The following FAM228B variants were observed in gnomAD, a reference collection of about 807,000 sequenced individuals.
FAM228B encodes protein FAM228B.
In FAM228B, 38 loss-of-function variants were observed where a neutral mutation model predicts 42.6. That is an observed-to-expected ratio of 0.89 (90% CI 0.69 to 1.17). FAM228B has a LOEUF of 1.17. Among genes scored for constraint, FAM228B ranks in the 50% most tolerant of loss-of-function variants. The probability of loss-of-function intolerance (pLI) is 0.00; values close to 1 mark genes in which losing one functional copy is unlikely to be tolerated. For missense variants in FAM228B, 344 were observed against 367.3 expected (o/e 0.94, Z 0.52); for synonymous variants, 109 against 122.3 (o/e 0.89, Z 0.72).
intron 8 of FAM228B, 56 bp downstream of exon 8, chr2:24,161,669 T>C: frequency 2.0e-6 from 2 of 988,684 alleles, no homozygotes; most frequent in South Asian, 2.8e-5. Flanking sequence ...TAGGCTGTGC[T>C]GCCATCCCCT....
upstream of FAM228B, chr2:24,121,045 A>G: frequency 1.5e-6 from 2 of 1,363,630 alleles, no homozygotes; most frequent in Non-Finnish European, 2.0e-6. Context: ...ATCTCAAGAC[A>G]ATGGCTCAAG....
At chr2:24,146,578 T>A (rs1389726975) in intron 5 of FAM228B, among the ~76,000 whole-genome samples, 170 bp from the exon 6 acceptor site, 1 of 152,174 alleles carries the variant, frequency 6.6e-6, no homozygotes, top group Admixed American at 6.5e-5. Flanking sequence ...TATACCCCCA[T>A]CTCTTTGTAA....
chr2:24,158,213 T>TTTTTTTTTTTTC (rs56212229), intron 7 of FAM228B, among the ~76,000 whole-genome samples: 2 of 143,098 alleles, frequency 1.4e-5, no homozygotes, highest in African/African-American at 5.1e-5. Context: ...TTTTTTTTTT[T>TTTTTTTTTTTTC]CCAAAACATT....
upstream of FAM228B, among the ~76,000 whole-genome samples, chr2:24,120,251 A>C (rs1666062842): frequency 6.6e-6 from 1 of 150,422 alleles, no homozygotes; most frequent in African/African-American, 2.4e-5. Context: ...CCTGGGCGAC[A>C]AAAGTGAAAC....
At chr2:24,092,924 G>GTACA (rs1553326194) in intron 2 of FAM228B, among the ~76,000 whole-genome samples, 2 of 133,438 alleles carry the variant, frequency 1.5e-5, no homozygotes, top group African/African-American at 2.8e-5. Context: ...ATGATTTTAT[G>GTACA]CACACACACA....
chr2:24,138,772 C>A (rs996296865), intron 4 of FAM228B, among the ~76,000 whole-genome samples: 1 of 151,322 alleles, frequency 6.6e-6, no homozygotes, highest in African/African-American at 2.4e-5. Flanking sequence ...CCTGGTGATA[C>A]CCCGTCTCTC....
At chr2:24,097,439 G>C in intron 3 of FAM228B, 1 of 92,084 alleles carries the variant, frequency 1.1e-5, no homozygotes, top group Admixed American at 1.3e-4. Context: ...GATATACCAA[G>C]CAAATGGAAA....
At chr2:24,079,733 C>G (rs1380671022) in intron 1 of FAM228B, 8 of 1,234,618 alleles carry the variant, frequency 6.5e-6, no homozygotes, top group Non-Finnish European at 9.2e-6. Flanking sequence ...AATACAGATG[C>G]AAGTGGTAAA....
intron 2 of FAM228B, among the ~76,000 whole-genome samples, chr2:24,081,690 GTT>G (rs36028901): frequency 1.5e-3 from 209 of 137,350 alleles, no homozygotes; most frequent in African/African-American, 4.9e-3. Context: ...CCTTGATACT[GTT>G]TTTTTTTTTT....
chr2:24,106,316 C>CTTTTTTTTTTT (rs386389714), intron 3 of FAM228B, among the ~76,000 whole-genome samples: 2 of 106,394 alleles, frequency 1.9e-5, no homozygotes, highest in Non-Finnish European at 3.7e-5. Context: ...ATTCAGCATT[C>CTTTTTTTTTTT]TTTTTTTTTT....
Position 24,080,002 on chromosome 2 carries a change from C to T in FAM228B, c.-289-874C>T, listed in dbSNP as rs1038115503. On this transcript the variant is annotated intron_variant, in intron 1 of 10. Coordinates refer to the FAM228B transcript ENST00000613899. This position sits in a 1 kb window ranked among gnomAD's most constrained non-coding sequence, Gnocchi z 4.7. ...TCACATAGAAGTTAGGAAGTGTCCG[C>T]ACTAGGTTATTGGAATCATAGGCTT... is the stretch of plus-strand genomic sequence containing the variant. 2.6e-5 allele frequency among the ~76,000 whole-genome samples: 4 copies of T among 152,136 alleles called. No homozygotes were observed. Among genetic ancestry groups the T allele is most frequent in the African/African-American group, 9.7e-5 (4 of 41,428 alleles).
chr2:24,138,129 C>A (rs1258013332), intron 4 of FAM228B, 29 bp downstream of exon 4: 3 of 1,476,604 alleles, frequency 2.0e-6, no homozygotes, highest in Admixed American at 5.1e-5. Context: ...ATGCTTTTTT[C>A]AGTTGATTTA....
intron 7 of FAM228B, among the ~76,000 whole-genome samples, chr2:24,153,202 G>T (rs1667061211): frequency 6.6e-6 from 1 of 152,126 alleles, no homozygotes; most frequent in South Asian, 2.1e-4. Flanking sequence ...GACTGAGCTG[G>T]GACCTAAGGT....
chr2:24,113,720 T>C (rs568391019), intron 3 of FAM228B, among the ~76,000 whole-genome samples: 1 of 152,126 alleles, frequency 6.6e-6, no homozygotes, highest in South Asian at 2.1e-4. Context: ...CTACTAAAAA[T>C]ACAAAAATTA....
chr2:24,144,859 G>A (rs1666856888), intron 5 of FAM228B, among the ~76,000 whole-genome samples: 1 of 152,112 alleles, frequency 6.6e-6, no homozygotes, highest in Non-Finnish European at 1.5e-5. Flanking sequence ...CCCCACCCGA[G>A]TACTCTGCAG....
chr2:24,138,645 A>T (rs1234289329), intron 4 of FAM228B, among the ~76,000 whole-genome samples: 1 of 150,732 alleles, frequency 6.6e-6, no homozygotes, highest in Admixed American at 6.6e-5. Flanking sequence ...CTCCCCATGT[A>T]ATTATTAATT....
At chr2:24,156,105 ATG>A (rs1381388092) in intron 7 of FAM228B, among the ~76,000 whole-genome samples, 1 of 152,164 alleles carries the variant, frequency 6.6e-6, no homozygotes. Flanking sequence ...CTGTAGCAAG[ATG>A]TGTGTGCCTT....
chr2:24,112,454 T>C (rs983034125), intron 3 of FAM228B, among the ~76,000 whole-genome samples: 1 of 151,998 alleles, frequency 6.6e-6, no homozygotes, highest in African/African-American at 2.4e-5. Flanking sequence ...GCACCTGCTA[T>C]GACGCCCAGC....
chr2:24,086,971 A>G (rs2150989752), intron 2 of FAM228B, among the ~76,000 whole-genome samples: 1 of 152,312 alleles, frequency 6.6e-6, no homozygotes, highest in East Asian at 1.9e-4. Flanking sequence ...GAATGGATTA[A>G]GATAGATGAG....
Sources: allele counts gnomAD v4.1 joint callset (sites outside exome capture counted in the v4.1 genomes callset), GRCh38; gene constraint gnomAD v4.1.1; non-coding constraint Gnocchi (gnomAD v3.1); transcripts MANE v1.5; gene names NCBI Gene and HGNC (gene_info 2026-07-23, HGNC 2026-07-21).